STK32B: variants seen among roughly 807,000 people sequenced by gnomAD.
The protein encoded by STK32B is serine/threonine-protein kinase 32B.
STK32B carries 43 observed loss-of-function variants against 52.6 expected under a neutral mutation model. The ratio of observed to expected loss-of-function variants is 0.82; its 90% CI spans 0.64 to 1.05. The LOEUF is 1.05. Among genes scored for constraint, STK32B ranks in the 50% least tolerant of loss-of-function variants. The probability of loss-of-function intolerance (pLI) is 0.00; values close to 1 mark genes in which losing one functional copy is unlikely to be tolerated. For synonymous variants in STK32B, 238 were observed against 204.3 expected, an observed-to-expected ratio of 1.17 and a Z score of -1.41; for missense variants, 621 against 534.6, an observed-to-expected ratio of 1.16 and a Z score of -1.59.
chr4:5,472,099 G>A (rs1301487676), intron 11 of STK32B, among the ~76,000 whole-genome samples: 1 of 152,228 alleles, frequency 6.6e-6, no homozygotes, highest in Non-Finnish European at 1.5e-5. Flanking sequence ...GAGCTGAGAG[G>A]ACATGGGCAG....
At chr4:5,274,148 T>G (rs796375899) in intron 3 of STK32B, among the ~76,000 whole-genome samples, 69 of 152,200 alleles carry the variant, frequency 4.5e-4, no homozygotes, top group African/African-American at 1.5e-3. Flanking sequence ...CAAAAATATA[T>G]GTGGAAATGC....
At chr4:5,374,582 G>T (rs192239407) in intron 4 of STK32B, among the ~76,000 whole-genome samples, 35 of 152,150 alleles carry the variant, frequency 2.3e-4, no homozygotes, top group Admixed American at 7.2e-4. Context: ...TCTGGCGAGG[G>T]CCTGCTCCCC....
At chr4:5,046,466 C>T in the STK32B span, among the ~76,000 whole-genome samples, 1 of 152,184 alleles carries the variant, frequency 6.6e-6, no homozygotes, top group Non-Finnish European at 1.5e-5. Flanking sequence ...GCAAAGATTT[C>T]ACGGCTAAAA....
the STK32B span, among the ~76,000 whole-genome samples, chr4:5,033,307 C>T: frequency 9.2e-5 from 14 of 152,188 alleles, no homozygotes; most frequent in Admixed American, 2.0e-4. Context: ...CCAGCTGGGC[C>T]ATGGCCCGTG....
intron 5 of STK32B, among the ~76,000 whole-genome samples, chr4:5,411,588 T>A (rs1479811723): frequency 2.6e-5 from 4 of 152,158 alleles, no homozygotes; most frequent in Non-Finnish European, 4.4e-5. Context: ...TTAAATGAAG[T>A]ACTAAGACAT....
intron 9 of STK32B, among the ~76,000 whole-genome samples, chr4:5,461,145 A>G (rs2076678774): frequency 6.6e-6 from 1 of 152,170 alleles, no homozygotes; most frequent in Non-Finnish European, 1.5e-5. Context: ...ATCCTGGGTG[A>G]CATTCCAGTT....
At chr4:5,204,458 T>TTTTGTTTTGTTTTGTTTTG (rs1553850288) in intron 3 of STK32B, among the ~76,000 whole-genome samples, 34 of 146,856 alleles carry the variant, frequency 2.3e-4, no homozygotes, top group African/African-American at 7.6e-4. Flanking sequence ...TTTTTAGGTT[T>TTTTGTTTTGTTTTGTTTTG]TTTTGTTTTG....
At chr4:5,062,502 G>T (rs796956512) in intron 1 of STK32B, among the ~76,000 whole-genome samples, 23 of 152,152 alleles carry the variant, frequency 1.5e-4, no homozygotes, top group African/African-American at 5.1e-4. Flanking sequence ...GTTTAGTTTT[G>T]TTGTTGTTGT....
intron 4 of STK32B, among the ~76,000 whole-genome samples, chr4:5,366,113 T>G (rs1394529425): frequency 6.6e-6 from 1 of 151,962 alleles, no homozygotes; most frequent in Non-Finnish European, 1.5e-5. Context: ...GCAGGAGAGG[T>G]GGTGAGCCAA....
intron 11 of STK32B, among the ~76,000 whole-genome samples, chr4:5,496,354 G>T (rs866007593): frequency 9.8e-5 from 15 of 152,316 alleles, no homozygotes; most frequent in Middle Eastern, 3.4e-3. Flanking sequence ...CAATCAGCGA[G>T]ACTCCGTGGG....
intron 11 of STK32B, among the ~76,000 whole-genome samples, chr4:5,485,451 G>C (rs1006802394): frequency 1.3e-5 from 2 of 151,980 alleles, no homozygotes; most frequent in African/African-American, 4.8e-5. Flanking sequence ...GGTCCTTTAA[G>C]GACTTCTCTG....
intron 3 of STK32B, among the ~76,000 whole-genome samples, chr4:5,242,216 C>A (rs1434831309): frequency 6.6e-6 from 1 of 152,228 alleles, no homozygotes; most frequent in African/African-American, 2.4e-5. Context: ...GTTCCTATTT[C>A]TCCACATCCT....
intron 3 of STK32B, among the ~76,000 whole-genome samples, chr4:5,174,164 C>T (rs1719625633): frequency 6.6e-6 from 1 of 152,160 alleles, no homozygotes; most frequent in Admixed American, 6.5e-5. Flanking sequence ...GTCGATCTTC[C>T]TCCATCTTTC....
chr4:5,292,775 C>CT (rs938306347), intron 3 of STK32B, among the ~76,000 whole-genome samples: 1 of 150,768 alleles, frequency 6.6e-6, no homozygotes, highest in Admixed American at 6.6e-5. Flanking sequence ...GACTTTTTTT[C>CT]TTTTTTTTTA....
chr4:5,206,605 A>G (rs1352951823), intron 3 of STK32B, among the ~76,000 whole-genome samples: 2 of 152,070 alleles, frequency 1.3e-5, no homozygotes, highest in African/African-American at 4.8e-5. Context: ...AGGCCTCAGT[A>G]ATTGAAATGA....
At chr4:5,489,522 C>G (rs1005445568) in intron 11 of STK32B, among the ~76,000 whole-genome samples, 10 of 152,216 alleles carry the variant, frequency 6.6e-5, no homozygotes, top group Admixed American at 3.3e-4. Flanking sequence ...AAATATAAAA[C>G]TGTCTGATAA....
intron 3 of STK32B, among the ~76,000 whole-genome samples, chr4:5,228,566 A>G (rs781085712): frequency 3.2e-4 from 49 of 152,300 alleles, no homozygotes; most frequent in Non-Finnish European, 6.2e-4. Flanking sequence ...TGTATTTAAC[A>G]TAGGGACTTG....
At position 5,386,932 on chromosome 4, in the gene STK32B, A is replaced by C. The variant is rs1164803581; in HGVS notation, c.435-11275A>C. 1.3e-5 allele frequency among the ~76,000 whole-genome samples: 2 copies of C among 152,186 alleles called. No individual in the cohort carries two copies. The highest frequency in any genetic ancestry group is 2.9e-5 in the Non-Finnish European group (2 of 68,040). ...GGCCGTGGCCTGAGCGTCTTCACAG[A>C]AATAGGAAGCTCTCGAAGAGTCGCA... On this transcript the variant is annotated intron_variant, in intron 4 of 11. Coordinates refer to ENST00000282908, the MANE Select transcript of STK32B (RefSeq NM_018401.3). The surrounding 1 kb of genome is among the most constrained non-coding windows in gnomAD (Gnocchi z 4.5).
At chr4:5,191,029 A>G (rs1337374757) in intron 3 of STK32B, among the ~76,000 whole-genome samples, 1 of 152,206 alleles carries the variant, frequency 6.6e-6, no homozygotes, top group Admixed American at 6.5e-5. Context: ...GAGGAATTTC[A>G]GAGGGAAAAC....
Sources: allele counts gnomAD v4.1 joint callset (sites outside exome capture counted in the v4.1 genomes callset), GRCh38; gene constraint gnomAD v4.1.1; non-coding constraint Gnocchi (gnomAD v3.1); transcripts MANE v1.5; gene names NCBI Gene and HGNC (gene_info 2026-07-23, HGNC 2026-07-21).